Variants in ABI1 observed in about 807,000 individuals in gnomAD.
The protein encoded by ABI1 is Abelson interactor 1.
ABI1 carries 14 observed loss-of-function variants against 54.6 expected under a neutral mutation model. The ratio of observed to expected loss-of-function variants is 0.26; its 90% CI spans 0.17 to 0.40. The LOEUF (loss-of-function observed/expected upper bound fraction) is 0.40. ABI1 is among the 10% of genes least tolerant of loss of function. The pLI is 1.00. For synonymous variants in ABI1, 194 were observed against 209.3 expected (o/e 0.93, Z 0.63); for missense variants, 443 against 598.3 (o/e 0.74, Z 2.71).
chr10:26,759,703 G>A (rs928265449), intron 7 of ABI1, among the ~76,000 whole-genome samples: 1 of 151,558 alleles, frequency 6.6e-6, no homozygotes, highest in Non-Finnish European at 1.5e-5. Context: ...ATTTTGATTT[G>A]GCTAGATAGA....
At chr10:26,818,051 C>T (rs1490609344) in intron 2 of ABI1, among the ~76,000 whole-genome samples, 4 of 150,204 alleles carry the variant, frequency 2.7e-5, no homozygotes, top group South Asian at 2.1e-4. Context: ...CCCAGCTACC[C>T]GGGAGGCTGA....
intron 1 of ABI1, among the ~76,000 whole-genome samples, chr10:26,832,365 G>A (rs1310177353): frequency 6.6e-6 from 1 of 152,034 alleles, no homozygotes; most frequent in South Asian, 2.1e-4. Flanking sequence ...GGCGGATCAC[G>A]AGGTCAGGAG....
rs1564444164 is a variant in ABI1, at chr10:26,747,061, A to AAAT, written c.*1506_*1508dup. ...AATTAACAAAGGCAAAATGCATATG[A>AAAT]AATAGTCACATTGATTTGGTAGCAA... On this transcript the variant is annotated 3_prime_UTR_variant, in exon 11 of 11. Coordinates refer to ENST00000376140, the MANE Select transcript of ABI1 (RefSeq NM_001012750.3). 1 of 229,934 alleles carries AAAT rather than the reference A, an allele frequency of 4.3e-6. No individual in the cohort carries two copies. Among genetic ancestry groups the AAAT allele is most frequent in the Non-Finnish European group, 8.6e-6 (1 of 115,906 alleles). The allele number at this position is 229,934 out of a possible 1,614,324, so 14.2% of individuals were successfully genotyped here.
chr10:26,806,134 G>A (rs949545757), intron 2 of ABI1, among the ~76,000 whole-genome samples: 4 of 152,164 alleles, frequency 2.6e-5, no homozygotes, highest in African/African-American at 4.8e-5. Flanking sequence ...AAGCCATGCT[G>A]TAAAACCAGC....
chr10:26,807,304 T>C (rs1460075268), intron 2 of ABI1, among the ~76,000 whole-genome samples: 1 of 151,984 alleles, frequency 6.6e-6, no homozygotes, highest in Non-Finnish European at 1.5e-5. Context: ...TGAAACCCCA[T>C]CTCTACAAAA....
At chr10:26,827,815 A>C (rs758334107) in intron 1 of ABI1, among the ~76,000 whole-genome samples, 1 of 147,952 alleles carries the variant, frequency 6.8e-6, no homozygotes, top group Non-Finnish European at 1.5e-5. Flanking sequence ...CTGGTCTTGA[A>C]CTCCTGTCCC....
intron 1 of ABI1, among the ~76,000 whole-genome samples, chr10:26,853,234 C>CAAA (rs35205764): frequency 0.13 from 11,111 of 85,284 alleles, 1,057 homozygotes; most frequent in African/African-American, 0.25. Context: ...GACTCCATCT[C>CAAA]AAAAAAAAAA....
chr10:26,812,419 C>T (rs1338476010), intron 2 of ABI1, among the ~76,000 whole-genome samples: 1 of 152,170 alleles, frequency 6.6e-6, no homozygotes, highest in African/African-American at 2.4e-5. Flanking sequence ...AAGGACTGTA[C>T]ATGTCATGCT....
At chr10:26,819,410 T>C (rs918722901) in intron 2 of ABI1, among the ~76,000 whole-genome samples, 6 of 152,226 alleles carry the variant, frequency 3.9e-5, no homozygotes, top group Admixed American at 3.3e-4. Flanking sequence ...GTACCTAATA[T>C]AGTATCACTT....
Position 26,751,710 on chromosome 10 carries a change from G to A in ABI1, c.1158C>T (p.Pro386=). 6.2e-7 allele frequency: 1 copy of A among 1,613,754 alleles called. No individual in the cohort carries two copies. The highest frequency in any genetic ancestry group is 8.5e-7 in the Non-Finnish European group (1 of 1,179,870). Reference sequence around the variant, plus strand: ...CATAATCCACTGGTGGTGGTGGTGGGGGAGGTGGAGAGTCATCAAACATGG... The same window carrying A: ...CATAATCCACTGGTGGTGGTGGTGGAGGAGGTGGAGAGTCATCAAACATGG... ...DIPMFDDSPP[P]PPPPPVDYED... Residue 386 remains proline (P), a synonymous_variant, in exon 10 of 11, where the codon CCC becomes CCT. Transcript: ENST00000376140.
intron 9 of ABI1, 118 bp downstream of exon 9, chr10:26,755,537 A>G (rs1838192308): frequency 4.0e-6 from 3 of 752,738 alleles, no homozygotes; most frequent in Non-Finnish European, 6.6e-6. Context: ...ACATGTCTGC[A>G]CCTATTTTCA....
intron 3 of ABI1, among the ~76,000 whole-genome samples, chr10:26,772,763 T>G (rs1342537627): frequency 6.6e-6 from 1 of 152,056 alleles, no homozygotes; most frequent in East Asian, 1.9e-4. Context: ...AAATGAAACT[T>G]TTTTATTTCC....
intron 7 of ABI1, among the ~76,000 whole-genome samples, chr10:26,761,745 T>C (rs1170938594): frequency 1.3e-5 from 2 of 149,576 alleles, no homozygotes; most frequent in Non-Finnish European, 3.0e-5. Flanking sequence ...AATCAATCTG[T>C]ACATATTGTT....
intron 1 of ABI1, among the ~76,000 whole-genome samples, chr10:26,832,418 TA>T (rs200529215): frequency 0.011 from 1,606 of 151,686 alleles, 26 homozygotes; most frequent in African/African-American, 0.033. Context: ...CTATCTCTAT[TA>T]AAAAATACAA....
At chr10:26,799,572 G>A (rs2046411152) in intron 2 of ABI1, among the ~76,000 whole-genome samples, 2 of 152,294 alleles carry the variant, frequency 1.3e-5, no homozygotes, top group South Asian at 4.1e-4. Context: ...AATAGGCTTA[G>A]AACAGTGATT....
chr10:26,757,933 T>C (rs1588760932), intron 8 of ABI1, among the ~76,000 whole-genome samples: 1 of 151,792 alleles, frequency 6.6e-6, no homozygotes, highest in East Asian at 1.9e-4. Context: ...CTAGGTGTAG[T>C]GGCAGGCGCC....
intron 2 of ABI1, among the ~76,000 whole-genome samples, chr10:26,806,519 C>G (rs2046887451): frequency 6.6e-6 from 1 of 152,184 alleles, no homozygotes; most frequent in South Asian, 2.1e-4. Flanking sequence ...GTTGAGGCAG[C>G]AACAATGGCA....
At position 26,846,143 on chromosome 10, in the gene ABI1, A is replaced by G. The variant is rs186568944; in HGVS notation, c.117+14604T>C. Among the ~76,000 whole-genome samples the G allele has an allele frequency of 0.018, 2,634 of 147,680 alleles. 182 individuals carry two copies. The South Asian group carries it at 0.2, about 11-fold the overall frequency. ...GGCGACAGAGTGAGACTCCGTCTCA[A>G]AAAAAAAAAAAAGATTTTAGAAAAA... On this transcript the variant is annotated intron_variant, in intron 1 of 10. Transcript: ENST00000376140.
chr10:26,762,938 T>A (rs1211574690), intron 7 of ABI1, among the ~76,000 whole-genome samples: 1 of 152,176 alleles, frequency 6.6e-6, no homozygotes, highest in Non-Finnish European at 1.5e-5. Flanking sequence ...CAATTTGCTT[T>A]CCTCACCAAC....
Sources: allele counts gnomAD v4.1 joint callset (sites outside exome capture counted in the v4.1 genomes callset), GRCh38; gene constraint gnomAD v4.1.1; transcripts MANE v1.5; gene names NCBI Gene and HGNC (gene_info 2026-07-23, HGNC 2026-07-21).